Variants in R3HDM1 observed in about 807,000 individuals in gnomAD.
The protein encoded by R3HDM1 is R3H domain containing 1, also known as R3H domain-containing protein 1.
A neutral mutation model predicts 141.1 loss-of-function variants in R3HDM1; 46 were observed. The ratio of observed to expected loss-of-function variants is 0.33; its 90% CI spans 0.26 to 0.42. The LOEUF is 0.42. Among genes scored for constraint, R3HDM1 ranks in the 10% least tolerant of loss-of-function variants. R3HDM1 has a pLI of 1.00. For missense variants in R3HDM1, 1,184 were observed against 1,368.3 expected (o/e 0.87, Z 2.12); for synonymous variants, 435 against 472.9 (o/e 0.92, Z 1.04).
chr2:135,653,092 A>ACACTTGC (rs2105283266), intron 18 of R3HDM1, among the ~76,000 whole-genome samples: 1 of 150,044 alleles, frequency 6.7e-6, no homozygotes, highest in Non-Finnish European at 1.5e-5. Context: ...ATGGTGGCTT[A>ACACTTGC]CACTTGCATT....
chr2:135,599,757 G>T (rs904057737), intron 1 of R3HDM1, among the ~76,000 whole-genome samples: 2 of 152,150 alleles, frequency 1.3e-5, no homozygotes, highest in African/African-American at 4.8e-5. Flanking sequence ...CATTAGCTGG[G>T]CAAAGTGGCT....
In R3HDM1 at chr2:135,631,957, G is replaced by C. The variant is rs1433821220; in HGVS notation, c.654G>C (p.Gln218His). Reference protein sequence around the residue: ...AYFGLDHNVDQSGKSVIVNKT... With the variant: ...AYFGLDHNVDHSGKSVIVNKT... ...TTGGATTAGACCACAATGTTGATCA[G>C]AGTGGGAAGTCTGTCATAGTAAACA... Residue 218 changes from glutamine (Q) to histidine (H), a missense_variant, in exon 9 of 27, where the codon CAG becomes CAC. Physicochemically the swap from Gln to His is conservative, Grantham distance 24 (BLOSUM62 0). Around this residue, in one of 5 missense-constraint regions of R3HDM1, gnomAD observed 240 missense variants for 312.3 expected, o/e 0.77. Coordinates refer to ENST00000683871, the MANE Select transcript of R3HDM1 (RefSeq NM_001378107.1). The C allele has an allele frequency of 1.2e-6, 2 of 1,612,108 alleles. No homozygotes were observed. Among genetic ancestry groups the C allele is most frequent in the Non-Finnish European group, 1.7e-6 (2 of 1,178,634 alleles).
chr2:135,576,038 A>G (rs931251999), intron 1 of R3HDM1, among the ~76,000 whole-genome samples: 1 of 152,208 alleles, frequency 6.6e-6, no homozygotes, highest in African/African-American at 2.4e-5. Flanking sequence ...TGTCACATGA[A>G]TAAATAAATA....
chr2:135,546,655 T>C (rs1327799126), intron 1 of R3HDM1, among the ~76,000 whole-genome samples: 2 of 152,046 alleles, frequency 1.3e-5, no homozygotes, highest in Non-Finnish European at 2.9e-5. Context: ...CATGATGTTA[T>C]CTGTGTGATT....
Position 135,710,231 on chromosome 2 carries a change from G to T in R3HDM1, c.2736G>T (p.Gln912His). Residue 912 changes from glutamine to histidine, a missense_variant and splice_region_variant, in exon 23 of 27, where the codon CAG becomes CAT. By Grantham distance (24) the Gln-to-His change is conservative (BLOSUM62 0). Transcript: ENST00000683871. ...VEFSSVDNIV[Q>H]HSPQLSSPII... The stretch of plus-strand genomic sequence containing the variant: ...TTAGCAGTGTAGACAATATTGTCCA[G>T]GTAAGATGGTTTTGTTCATTATCAT... The T allele has an allele frequency of 6.2e-7, 1 of 1,610,306 alleles. No individual in the cohort carries two copies. The highest frequency in any genetic ancestry group is 8.5e-7 in the Non-Finnish European group (1 of 1,177,590).
intron 20 of R3HDM1, among the ~76,000 whole-genome samples, chr2:135,677,127 G>A (rs1204537562): frequency 2.0e-5 from 3 of 152,162 alleles, no homozygotes; most frequent in Non-Finnish European, 2.9e-5. Context: ...ATAAGCAAAG[G>A]TGCAAGCATA....
At chr2:135,561,455 A>G (rs529937206) in intron 1 of R3HDM1, 3 of 634,870 alleles carry the variant, frequency 4.7e-6, no homozygotes, top group African/African-American at 4.0e-5. Flanking sequence ...GGTGGCTCAC[A>G]CTTGAAATCC....
rs191730024 is a variant in R3HDM1, at chr2:135,667,123, T to C, written c.2152+5730T>C. 28 of 930,512 alleles carry C rather than the reference T, an allele frequency of 3.0e-5. No homozygotes were observed. In the East Asian group the frequency reaches 2.9e-3, roughly 97 times the overall value. The allele number at this position is 930,512 out of a possible 1,614,324, so 57.6% of individuals were successfully genotyped here. A position where few individuals can be genotyped will look rare whatever the true frequency, so the allele number is the denominator to read the frequency against. On this transcript the variant is annotated intron_variant, in intron 19 of 26. Coordinates refer to ENST00000683871, the MANE Select transcript of R3HDM1 (RefSeq NM_001378107.1). ...CCTTTAGAACAAATGCTAGTTCAGA[T>C]CACCTATATAAAATAAAATCAGCCT...
chr2:135,556,598 A>G (rs1700811733), intron 1 of R3HDM1, among the ~76,000 whole-genome samples: 1 of 151,210 alleles, frequency 6.6e-6, no homozygotes, highest in Non-Finnish European at 1.5e-5. Context: ...GGCTCACTAC[A>G]AGCCCTGACT....
chr2:135,592,718 GT>G (rs924926280), intron 1 of R3HDM1, among the ~76,000 whole-genome samples: 102 of 146,986 alleles, frequency 6.9e-4, no homozygotes, highest in African/African-American at 2.1e-3. Flanking sequence ...ACCAGTTTGG[GT>G]TTTTTTTTTC....
Position 135,723,930 on chromosome 2 carries a change from A to G in R3HDM1, c.3050-7A>G. On this transcript the variant is annotated splice_region_variant and splice_polypyrimidine_tract_variant and intron_variant, in intron 26 of 26. Transcript: ENST00000683871. ...AATGTATTGATTCTGTACCTTTTCT[A>G]TTCTAGTTGTTGGGAAGGTCTTGGA... 3 of 1,599,806 alleles carry G rather than the reference A, an allele frequency of 1.9e-6. No individual in the cohort carries two copies. Among genetic ancestry groups the G allele is most frequent in the Non-Finnish European group, 2.6e-6 (3 of 1,169,912 alleles).
intron 1 of R3HDM1, among the ~76,000 whole-genome samples, chr2:135,541,579 T>TATCA (rs1697521374): frequency 6.6e-6 from 1 of 152,000 alleles, no homozygotes; most frequent in African/African-American, 2.4e-5. Flanking sequence ...AGAGATGGGG[T>TATCA]ATCAGCCAGT....
chr2:135,618,437 C>G (rs991522925), intron 5 of R3HDM1, among the ~76,000 whole-genome samples: 1 of 148,270 alleles, frequency 6.7e-6, no homozygotes, highest in Non-Finnish European at 1.5e-5. Flanking sequence ...GCTAGGATTA[C>G]AAGTGTGAGC....
In R3HDM1 at chr2:135,661,354, C is replaced by T. The variant is rs2066684159; in HGVS notation, c.2113C>T (p.His705Tyr). Residue 705 changes from histidine (H) to tyrosine (Y), a missense_variant, in exon 19 of 27, where the codon CAT becomes TAT. By Grantham distance (83) the His-to-Tyr change is moderately conservative. Transcript: ENST00000683871. ...AGTCCCTTCTGTTCATTACAATTCA[C>T]ATCTAAACCAACCACTGCCACAACC... is the stretch of plus-strand genomic sequence containing the variant. ...RPVPSVHYNS[H>Y]LNQPLPQPAQ... 2 of 1,613,872 alleles carry T rather than the reference C, an allele frequency of 1.2e-6. No individual in the cohort carries two copies. Among genetic ancestry groups the T allele is most frequent in the African/African-American group, 1.3e-5 (1 of 74,934 alleles).
rs150695028 is a variant in R3HDM1 at position 135,566,901 on chromosome 2, G to A, written c.-250+35268G>A. Reference sequence around the variant, plus strand: ...GCAGAAGAATCACTTGAACTTGGGAGGCAGAGGTTGCACTGAGCCGAGTAC... The same window carrying A: ...GCAGAAGAATCACTTGAACTTGGGAAGCAGAGGTTGCACTGAGCCGAGTAC... On this transcript the variant is annotated intron_variant, in intron 1 of 26. Coordinates refer to ENST00000683871, the MANE Select transcript of R3HDM1 (RefSeq NM_001378107.1). 560 of 333,096 alleles carry A rather than the reference G, an allele frequency of 1.7e-3. 7 individuals are homozygous for A. The Admixed American group carries it at 0.023, about 14-fold the overall frequency. The allele number at this position is 333,096 out of a possible 1,614,324, so 20.6% of individuals were successfully genotyped here. A position where few individuals can be genotyped will look rare whatever the true frequency, so the allele number is the denominator to read the frequency against.
chr2:135,719,089 A>C (rs1481116988), intron 24 of R3HDM1, among the ~76,000 whole-genome samples: 1 of 152,208 alleles, frequency 6.6e-6, no homozygotes, highest in Non-Finnish European at 1.5e-5. Flanking sequence ...CAAAGGTTGC[A>C]GTGAGCCAAG....
intron 19 of R3HDM1, chr2:135,669,153 G>A: frequency 1.0e-6 from 1 of 984,634 alleles, no homozygotes; most frequent in Non-Finnish European, 1.2e-6. Context: ...ATTATAGTAA[G>A]GCAAGGAAGT....
intron 21 of R3HDM1, among the ~76,000 whole-genome samples, chr2:135,688,403 A>G (rs2071740746): frequency 6.6e-6 from 1 of 152,232 alleles, no homozygotes; most frequent in Admixed American, 6.5e-5. Context: ...TGACAAAGTT[A>G]TGAAAAAGAT....
chr2:135,657,912 TG>T (rs140023618), intron 18 of R3HDM1, among the ~76,000 whole-genome samples: 1,611 of 152,352 alleles, frequency 0.011, 18 homozygotes, highest in Middle Eastern at 0.034. Flanking sequence ...AGATACATTC[TG>T]AGAAATTTAT....
Sources: allele counts gnomAD v4.1 joint callset (sites outside exome capture counted in the v4.1 genomes callset), GRCh38; gene constraint gnomAD v4.1.1; regional missense constraint gnomAD v4.1.1; transcripts MANE v1.5; gene names NCBI Gene and HGNC (gene_info 2026-07-23, HGNC 2026-07-21).